INSL6: variants seen among roughly 807,000 people sequenced by gnomAD.
INSL6 encodes the protein insulin-like peptide INSL6.
Under a neutral mutation model 9.4 loss-of-function variants are expected in INSL6, and 16 were observed. That is an observed-to-expected ratio of 1.70 (90% CI 1.15 to 2.59). The LOEUF (loss-of-function observed/expected upper bound fraction) is 2.59. INSL6 is among the 30% of genes most tolerant of loss of function. The pLI, the probability that INSL6 is intolerant of heterozygous loss-of-function variation, is 0.00. For missense variants in INSL6, 391 were observed against 257.3 expected, an observed-to-expected ratio of 1.52 and a Z score of -3.56; for synonymous variants, 154 against 96.9, an observed-to-expected ratio of 1.59 and a Z score of -3.46.
At chr9:5,156,400 A>G (rs946263373) in intron 2 of INSL6, among the ~76,000 whole-genome samples, 1 of 152,194 alleles carries the variant, frequency 6.6e-6, no homozygotes, top group African/African-American at 2.4e-5. Context: ...GAATATCTCT[A>G]TGGCTATTGA....
intron 3 of INSL6, chr9:5,128,083 TG>T (rs1824118516): frequency 2.8e-3 from 15 of 5,430 alleles, no homozygotes; most frequent in Middle Eastern, 0.083. Flanking sequence ...GTGGGTTTTG[TG>T]TGTGTGTGTG....
At chr9:5,042,581 TG>T in the INSL6 span, among the ~76,000 whole-genome samples, 1 of 147,458 alleles carries the variant, frequency 6.8e-6, no homozygotes, top group African/African-American at 2.6e-5. Flanking sequence ...AGTGGGATCC[TG>T]GAGGCCCCCA....
intron 1 of INSL6, among the ~76,000 whole-genome samples, chr9:5,179,512 G>A (rs934328092): frequency 1.3e-5 from 2 of 152,180 alleles, no homozygotes; most frequent in African/African-American, 4.8e-5. Flanking sequence ...CCAAAGGAAT[G>A]TAAATCATTC....
intron 1 of INSL6, among the ~76,000 whole-genome samples, chr9:5,174,273 A>G (rs1825249873): frequency 6.6e-6 from 1 of 152,160 alleles, no homozygotes; most frequent in African/African-American, 2.4e-5. Context: ...TTCTGTAACA[A>G]AACTCCTTGA....
At chr9:5,103,856 T>C in the INSL6 span, among the ~76,000 whole-genome samples, 1 of 152,126 alleles carries the variant, frequency 6.6e-6, no homozygotes, top group African/African-American at 2.4e-5. Flanking sequence ...ATAAAGATGT[T>C]CTTTGAAACC....
chr9:5,109,929 G>T, the INSL6 span: 1 of 152,084 alleles, frequency 6.6e-6, no homozygotes, highest in African/African-American at 2.4e-5. Context: ...CTTACTAACT[G>T]GCTGACAATA....
At chr9:5,006,399 A>T in the INSL6 span, among the ~76,000 whole-genome samples, 8 of 152,144 alleles carry the variant, frequency 5.3e-5, no homozygotes, top group Admixed American at 4.6e-4. Context: ...GGCTGAGACA[A>T]TGGGGTTTTC....
chr9:4,998,707 C>T, the INSL6 span, among the ~76,000 whole-genome samples: 1,367 of 151,284 alleles, frequency 9.0e-3, 11 homozygotes, highest in Non-Finnish European at 0.013. Context: ...TAAGAAGTAG[C>T]TCAAAATCTC....
the INSL6 span, among the ~76,000 whole-genome samples, chr9:5,104,709 C>T: frequency 6.6e-6 from 1 of 152,230 alleles, no homozygotes; most frequent in African/African-American, 2.4e-5. Flanking sequence ...GCTTATCAAC[C>T]ACGATCAAGT....
In INSL6 at chr9:5,126,795, A is replaced by C. The variant is rs114173032; in HGVS notation, c.*11-2284T>G. On this transcript the variant is annotated intron_variant, in intron 3 of 3. Coordinates refer to the INSL6 transcript ENST00000649639. ...AAGGGATAACATGGCTGGATGAAAG[A>C]AATGACCTTCATTCTGAGACCAAAG... 5.6e-4 allele frequency: 888 copies of C among 1,576,226 alleles called. No individual in the cohort carries two copies. The African/African-American group carries it at 0.011, about 20-fold the overall frequency.
chr9:5,016,391 CTG>C, the INSL6 span, among the ~76,000 whole-genome samples: 1 of 152,064 alleles, frequency 6.6e-6, no homozygotes, highest in African/African-American at 2.4e-5. Context: ...ACACCACAGA[CTG>C]TGTATGTGTG....
At chr9:5,120,104 A>G (rs146395566), downstream of INSL6, among the ~76,000 whole-genome samples, 8 of 152,328 alleles carry the variant, frequency 5.3e-5, no homozygotes, top group East Asian at 1.5e-3. Flanking sequence ...TGGCAGGTTC[A>G]GGCGTCTGGT....
the INSL6 span, among the ~76,000 whole-genome samples, chr9:4,994,465 A>C: frequency 3.9e-5 from 6 of 152,142 alleles, no homozygotes; most frequent in Non-Finnish European, 8.8e-5. Context: ...TTCCCAGGTG[A>C]TCTGATAATG....
At chr9:5,082,722 G>C in the INSL6 span, among the ~76,000 whole-genome samples, 1 of 152,250 alleles carries the variant, frequency 6.6e-6, no homozygotes, top group African/African-American at 2.4e-5. Flanking sequence ...AGTGCATTGT[G>C]TCCCTGGTTT....
chr9:5,053,724 T>C, the INSL6 span, among the ~76,000 whole-genome samples: 36 of 151,924 alleles, frequency 2.4e-4, no homozygotes, highest in African/African-American at 8.4e-4. Flanking sequence ...GATTAAGAGA[T>C]TTTACATTTT....
intron 1 of INSL6, among the ~76,000 whole-genome samples, chr9:5,178,263 G>A (rs573009229): frequency 3.3e-5 from 5 of 151,290 alleles, no homozygotes; most frequent in Admixed American, 6.6e-5. Context: ...AGGGTTACAG[G>A]GACAGAGCTG....
chr9:5,148,709 G>T (rs761790078), intron 2 of INSL6, among the ~76,000 whole-genome samples: 3 of 152,160 alleles, frequency 2.0e-5, no homozygotes, highest in Non-Finnish European at 4.4e-5. Context: ...CTCCTGAGCT[G>T]CAGACTGCAG....
chr9:5,106,026 C>G, the INSL6 span, among the ~76,000 whole-genome samples: 2 of 152,112 alleles, frequency 1.3e-5, no homozygotes, highest in Non-Finnish European at 2.9e-5. Context: ...GATGAAAACG[C>G]CAGAAACAAA....
the INSL6 span, among the ~76,000 whole-genome samples, chr9:5,095,882 G>A: frequency 5.9e-5 from 9 of 152,030 alleles, no homozygotes; most frequent in African/African-American, 9.7e-5. Flanking sequence ...CTAGCACTTA[G>A]CCTAAGTATA....
Sources: gnomAD v4.1 joint callset for allele counts (sites outside exome capture counted in the v4.1 genomes callset) on GRCh38, gnomAD v4.1.1 for gene constraint, MANE v1.5 for transcripts, NCBI Gene and HGNC (gene_info 2026-07-23, HGNC 2026-07-21) for gene names.